Variants in ALK observed in about 807,000 individuals in gnomAD.
The protein encoded by ALK is ALK receptor tyrosine kinase.
ALK carries 74 observed loss-of-function variants against 163.1 expected under a neutral mutation model. The ratio of observed to expected loss-of-function variants is 0.45; its 90% confidence interval spans 0.38 to 0.55. The LOEUF is 0.55. Among genes scored for constraint, ALK ranks in the 20% least tolerant of loss-of-function variants. ALK has a pLI of 0.00. For missense variants in ALK, 2,063 were observed against 2,105.3 expected (o/e 0.98, Z 0.39); for synonymous variants, 960 against 843.2 (o/e 1.14, Z -2.40).
chr2:29,792,371 G>C (rs919341757), intron 1 of ALK, among the ~76,000 whole-genome samples: 3 of 152,102 alleles, frequency 2.0e-5, no homozygotes, highest in Non-Finnish European at 4.4e-5. Flanking sequence ...GTTTCAGGGG[G>C]AGGGTAGCAC....
chr2:29,330,951 A>C (rs79042286), intron 5 of ALK, among the ~76,000 whole-genome samples: 7,449 of 152,286 alleles, frequency 0.049, 249 homozygotes, highest in Non-Finnish European at 0.072. Context: ...CAGAACTGTA[A>C]AAGAACAAAT....
chr2:29,352,277 T>C (rs181278054), intron 5 of ALK, among the ~76,000 whole-genome samples: 111 of 152,366 alleles, frequency 7.3e-4, no homozygotes, highest in African/African-American at 2.5e-3. Context: ...GATTTATTAC[T>C]GTTACTGGTT....
At chr2:29,212,430 G>C (rs116521103) in intron 24 of ALK, among the ~76,000 whole-genome samples, 2,566 of 152,328 alleles carry the variant, frequency 0.017, 81 homozygotes, top group African/African-American at 0.059. Context: ...AGAAGGAGCA[G>C]ATGGTAAAGC....
chr2:29,356,005 C>A (rs1253051668), intron 5 of ALK, among the ~76,000 whole-genome samples: 1 of 152,154 alleles, frequency 6.6e-6, no homozygotes. Context: ...AATATTTACA[C>A]TACAGAAATT....
chr2:29,779,758 T>C (rs1681282381), intron 1 of ALK, among the ~76,000 whole-genome samples: 1 of 152,166 alleles, frequency 6.6e-6, no homozygotes, highest in Non-Finnish European at 1.5e-5. Flanking sequence ...CAATCAAGTA[T>C]AGAAGGTAAC....
intron 1 of ALK, among the ~76,000 whole-genome samples, chr2:29,904,766 A>T (rs1347246673): frequency 4.6e-5 from 7 of 152,208 alleles, no homozygotes. Flanking sequence ...ACACAATGTA[A>T]TATCCTCTCC....
intron 1 of ALK, among the ~76,000 whole-genome samples, chr2:29,735,965 A>G (rs1021121003): frequency 6.6e-6 from 1 of 152,048 alleles, no homozygotes; most frequent in Non-Finnish European, 1.5e-5. Flanking sequence ...TAAGTTAGAG[A>G]TTATAATTAC....
intron 4 of ALK, among the ~76,000 whole-genome samples, chr2:29,421,001 A>G (rs932252243): frequency 3.3e-5 from 5 of 151,524 alleles, no homozygotes; most frequent in African/African-American, 1.2e-4. Context: ...GCCAGGAGCT[A>G]CTGGTGGCTC....
intron 5 of ALK, among the ~76,000 whole-genome samples, chr2:29,335,904 G>T (rs1350648309): frequency 6.6e-6 from 1 of 152,060 alleles, no homozygotes; most frequent in Admixed American, 6.6e-5. Flanking sequence ...GCTGGGCGTG[G>T]TCATGGACAC....
chr2:29,448,810 C>T (rs1046986707), intron 4 of ALK, among the ~76,000 whole-genome samples: 3 of 152,120 alleles, frequency 2.0e-5, no homozygotes, highest in African/African-American at 4.8e-5. Flanking sequence ...GTGTCCAGAC[C>T]GGTCACCCCT....
At chr2:29,341,119 T>C (rs1360734213) in intron 5 of ALK, among the ~76,000 whole-genome samples, 1 of 152,242 alleles carries the variant, frequency 6.6e-6, no homozygotes, top group African/African-American at 2.4e-5. Flanking sequence ...AGAAGCAGGG[T>C]TTATGCTTTG....
At chr2:29,296,044 G>A (rs1342163566) in intron 9 of ALK, among the ~76,000 whole-genome samples, 1 of 152,180 alleles carries the variant, frequency 6.6e-6, no homozygotes, top group Non-Finnish European at 1.5e-5. Flanking sequence ...GCTGACTGCA[G>A]GTGGCAGAAT....
intron 1 of ALK, among the ~76,000 whole-genome samples, chr2:29,904,889 G>C (rs1275539225): frequency 6.6e-6 from 1 of 152,194 alleles, no homozygotes; most frequent in Non-Finnish European, 1.5e-5. Context: ...GTTGAGTAGA[G>C]AATTACACTC....
Position 29,400,423 on chromosome 2 carries a change from C to T in ALK, c.1155-16564G>A, listed in dbSNP as rs527763541. 3.3e-5 allele frequency among the ~76,000 whole-genome samples: 5 copies of T among 152,190 alleles called. No individual in the cohort carries two copies. The South Asian group carries it at 1.0e-3, about 32-fold the overall frequency. On this transcript the variant is annotated intron_variant, in intron 4 of 28. Coordinates refer to ENST00000389048, the MANE Select transcript of ALK (RefSeq NM_004304.5). The stretch of plus-strand genomic sequence containing the variant: ...CTTGAGTGACCCTTCTCGCTTTGGT[C>T]CAACCCATTAATGGCCTCCAGTGCA...
intron 4 of ALK, among the ~76,000 whole-genome samples, chr2:29,529,203 GA>G (rs1673050526): frequency 6.6e-6 from 1 of 152,170 alleles, no homozygotes; most frequent in Non-Finnish European, 1.5e-5. Context: ...GGTGGCGTCT[GA>G]CTTGTCATTC....
intron 1 of ALK, among the ~76,000 whole-genome samples, chr2:29,792,243 G>A (rs1354913727): frequency 8.5e-5 from 13 of 152,174 alleles, no homozygotes; most frequent in Non-Finnish European, 1.9e-4. Flanking sequence ...AAAACAGATG[G>A]AACAGTGGAA....
intron 4 of ALK, among the ~76,000 whole-genome samples, chr2:29,445,748 G>C (rs10189652): frequency 0.013 from 1,939 of 152,162 alleles, 48 homozygotes; most frequent in African/African-American, 0.045. Flanking sequence ...CTTGAAACGG[G>C]GAGGTGGAAG....
intron 4 of ALK, among the ~76,000 whole-genome samples, chr2:29,501,695 CATAACAT>C (rs1672192903): frequency 1.3e-5 from 2 of 152,136 alleles, no homozygotes; most frequent in Admixed American, 1.3e-4. Flanking sequence ...GTAAAATATC[CATAACAT>C]AAAATATACC....
chr2:29,418,258 C>T lies in ALK; in HGVS notation c.1155-34399G>A, dbSNP rs188623627. Among the ~76,000 whole-genome samples, 8 of 152,288 alleles carry T rather than the reference C, an allele frequency of 5.3e-5. No individual in the cohort carries two copies. In the East Asian group the frequency reaches 1.2e-3, roughly 22 times the overall value. On this transcript the variant is annotated intron_variant, in intron 4 of 28. Transcript: ENST00000389048. ...TTTACATGCTCTGTCTGGTGTAACT[C>T]CTGATGTTTTCCAACCCCTACTCCC...
Sources: allele counts gnomAD v4.1 joint callset (sites outside exome capture counted in the v4.1 genomes callset), GRCh38; gene constraint gnomAD v4.1.1; transcripts MANE v1.5; gene names NCBI Gene and HGNC (gene_info 2026-07-23, HGNC 2026-07-21).